UBA5: variants seen among roughly 807,000 people sequenced by gnomAD.
The protein encoded by UBA5 is ubiquitin like modifier activating enzyme 5.
UBA5 carries 28 observed loss-of-function variants against 52.9 expected under a neutral mutation model. That is an observed-to-expected ratio of 0.53 (90% CI 0.39 to 0.73). The LOEUF (loss-of-function observed/expected upper bound fraction) is 0.73, where lower values mean the gene tolerates loss of function less well. UBA5 is among the 30% of genes least tolerant of loss of function. The pLI is 0.00. For synonymous variants in UBA5, 135 were observed against 162.1 expected (o/e 0.83, Z 1.27); for missense variants, 388 against 492.7 (o/e 0.79, Z 2.01).
upstream of UBA5, chr3:132,659,444 G>T (rs576310098): frequency 1.0e-6 from 1 of 1,004,794 alleles, no homozygotes; most frequent in Admixed American, 3.2e-5. Flanking sequence ...CATCGAATTC[G>T]GAGGGCCGGC....
chr3:132,669,292 C>T (rs1461024586), intron 4 of UBA5, among the ~76,000 whole-genome samples: 1 of 152,000 alleles, frequency 6.6e-6, no homozygotes, highest in African/African-American at 2.4e-5. Flanking sequence ...TTTTTTGAGA[C>T]AGTCTCACTC....
chr3:132,659,423 G>A, upstream of UBA5: 1 of 759,040 alleles, frequency 1.3e-6, no homozygotes. Flanking sequence ...CTCCAATTGG[G>A]AAGCCCCCAG....
Position 132,660,387 on chromosome 3 carries a change from A to G in UBA5, c.-151A>G. The G allele has an allele frequency of 2.0e-6, 2 of 975,952 alleles. No individual in the cohort carries two copies. The highest frequency in any genetic ancestry group is 1.5e-6 in the Non-Finnish European group (1 of 675,726). The allele number at this position is 975,952 out of a possible 1,614,324, so 60.5% of individuals were successfully genotyped here. On this transcript the variant is annotated 5_prime_UTR_variant, in exon 1 of 12. Transcript: ENST00000356232. This position sits in a 1 kb window ranked among gnomAD's most constrained non-coding sequence, Gnocchi z 4.1. The stretch of plus-strand genomic sequence containing the variant: ...AGTCTCGGAGACGTGTCTGTCTGTG[A>G]GGCGCTGGGTGCACGTCCCCAGGGC...
At position 132,668,593 on chromosome 3, in the gene UBA5, T is replaced by A. The variant is rs534703372; in HGVS notation, c.298-225T>A. 1.3e-5 allele frequency: 4 copies of A among 297,884 alleles called. No homozygotes were observed. In the South Asian group the frequency reaches 3.1e-4, roughly 23 times the overall value. 18.5% of individuals were successfully genotyped at this position (297,884 alleles called of 1,614,324 possible). ...TCACTTCATATTAGATGAGTGGCCT[T>A]TGGACAAGTGTTGTAGTTGCCTCAT... On this transcript the variant is annotated intron_variant, in intron 3 of 11. Coordinates refer to ENST00000356232, the MANE Select transcript of UBA5 (RefSeq NM_024818.6).
chr3:132,660,062 C>T (rs1938057721), upstream of UBA5: 3 of 370,366 alleles, frequency 8.1e-6, no homozygotes, highest in Non-Finnish European at 1.5e-5. This position sits in a 1 kb window ranked among gnomAD's most constrained non-coding sequence, Gnocchi z 4.1. Context: ...TAAGGAACAA[C>T]GCAGAAGCCT....
chr3:132,660,737 G>T lies in UBA5; in HGVS notation c.161+39G>T. 6.7e-7 allele frequency: 1 copy of T among 1,501,674 alleles called. No individual in the cohort carries two copies. Among genetic ancestry groups the T allele is most frequent in the South Asian group, 1.3e-5 (1 of 76,208 alleles). The allele number at this position is 1,501,674 out of a possible 1,614,324, so 93.0% of individuals were successfully genotyped here. A position where few individuals can be genotyped will look rare whatever the true frequency, so the allele number is the denominator to read the frequency against. On this transcript the variant is annotated intron_variant, in intron 1 of 11. Coordinates refer to ENST00000356232, the MANE Select transcript of UBA5 (RefSeq NM_024818.6). The surrounding 1 kb of genome is among the most constrained non-coding windows in gnomAD (Gnocchi z 4.1). ...CCGGTCGGAGGCAGGCGCGGGGGAC[G>T]AGGTCAGGCTCCGTGAGGTCAGAAG...
intron 1 of UBA5, among the ~76,000 whole-genome samples, chr3:132,664,697 T>C (rs1323867458): frequency 1.3e-5 from 2 of 152,104 alleles, no homozygotes; most frequent in Admixed American, 6.5e-5. Flanking sequence ...TAGTGAGCTA[T>C]AGCATACAGG....
upstream of UBA5, among the ~76,000 whole-genome samples, chr3:132,656,406 TGTTGA>T (rs1467300657): frequency 6.6e-6 from 1 of 152,142 alleles, no homozygotes; most frequent in African/African-American, 2.4e-5. Context: ...TACAAGATCA[TGTTGA>T]GTTATTTTTC....
Position 132,679,520 on chromosome 3 carries a change from T to C in UBA5, c.*2994T>C, listed in dbSNP as rs1224587778. 6.6e-6 allele frequency among the ~76,000 whole-genome samples: 1 copy of C among 152,206 alleles called. No homozygotes were observed. Among genetic ancestry groups the C allele is most frequent in the Non-Finnish European group, 1.5e-5 (1 of 68,028 alleles). ...AAATAAATAGTAATATCAAAATAGTTTATTATGTTTAAATTTCATTCTTTT... is the reference window on the plus strand; with the variant it reads ...AAATAAATAGTAATATCAAAATAGTCTATTATGTTTAAATTTCATTCTTTT... On this transcript the variant is annotated 3_prime_UTR_variant, in exon 12 of 12. Transcript: ENST00000356232.
Position 132,676,962 on chromosome 3 carries a change from C to T in UBA5, c.*436C>T. 2.3e-6 allele frequency: 1 copy of T among 426,050 alleles called. No homozygotes were observed. The highest frequency in any genetic ancestry group is 2.5e-5 in the Admixed American group (1 of 39,748). 26.4% of individuals were successfully genotyped at this position (426,050 alleles called of 1,614,324 possible). A position where few individuals can be genotyped will look rare whatever the true frequency, so the allele number is the denominator to read the frequency against. On this transcript the variant is annotated 3_prime_UTR_variant, in exon 12 of 12. Transcript: ENST00000356232. The surrounding 1 kb of genome is among the most constrained non-coding windows in gnomAD (Gnocchi z 4.1). Reference sequence around the variant, plus strand: ...CAGCTTATTGATTAGAGCTGGCAAGCATCTGCTCATTATGTTTGGAATTGC... The same window carrying T: ...CAGCTTATTGATTAGAGCTGGCAAGTATCTGCTCATTATGTTTGGAATTGC...
intron 3 of UBA5, chr3:132,667,983 T>C (rs1232614211): frequency 6.6e-6 from 1 of 151,940 alleles, no homozygotes; most frequent in Non-Finnish European, 1.5e-5. Flanking sequence ...ATGGGTTAGG[T>C]TAATTTTTTT....
At position 132,679,420 on chromosome 3, in the gene UBA5, CA is replaced by C. The variant is rs1167767740; in HGVS notation, c.*2895del. 6.6e-6 allele frequency among the ~76,000 whole-genome samples: 1 copy of C among 152,116 alleles called. No homozygotes were observed. The highest frequency in any genetic ancestry group is 2.4e-5 in the African/African-American group (1 of 41,430). ...TTCCTATTTGAGAACTTCAAATATG[CA>C]TACACAAAGATGTTCCAGCTATTTT... On this transcript the variant is annotated 3_prime_UTR_variant, in exon 12 of 12. Coordinates refer to ENST00000356232, the MANE Select transcript of UBA5 (RefSeq NM_024818.6).
chr3:132,675,419 T>C, intron 9 of UBA5, 36 bp downstream of exon 9: 1 of 1,607,074 alleles, frequency 6.2e-7, no homozygotes, highest in Non-Finnish European at 8.5e-7. Context: ...TGAGGGATCA[T>C]ATTGAATAGG....
chr3:132,665,338 GTAACTAGT>G (rs1938331983), intron 1 of UBA5, among the ~76,000 whole-genome samples: 1 of 152,028 alleles, frequency 6.6e-6, no homozygotes, highest in South Asian at 2.1e-4. Context: ...CAGATTACCA[GTAACTAGT>G]TAAAGCACCT....
At chr3:132,661,108 G>T in intron 1 of UBA5, 1 of 1,268,134 alleles carries the variant, frequency 7.9e-7, no homozygotes, top group South Asian at 1.3e-5. Context: ...CGGGGCGGGG[G>T]AGAGCGGGGT....
At chr3:132,671,944 A>G in intron 7 of UBA5, 63 bp downstream of exon 7, 2 of 1,599,558 alleles carry the variant, frequency 1.3e-6, no homozygotes, top group Non-Finnish European at 1.7e-6. Context: ...AGGGGCATTG[A>G]AAATGTATTA....
chr3:132,660,243 T>A, upstream of UBA5: 1 of 541,834 alleles, frequency 1.8e-6, no homozygotes, highest in Non-Finnish European at 3.3e-6. This position sits in a 1 kb window ranked among gnomAD's most constrained non-coding sequence, Gnocchi z 4.1. Context: ...ATCACCCCGG[T>A]GCTGCTGCGG....
Position 132,672,055 on chromosome 3 carries a change from T to G in UBA5, c.690T>G (p.Ala230=), listed in dbSNP as rs1240901267. ...GTGTTTTATTTTTCATGTAGTGTGC[T>G]CCACCACTTGTAGTTGCTGCAAATA... ...IPGESACFAC[A]PPLVVAANID... is the part of the protein sequence containing the mutation. Residue 230 remains alanine, a synonymous_variant, in exon 8 of 12, where the codon GCT becomes GCG. Transcript: ENST00000356232. 1.2e-6 allele frequency: 2 copies of G among 1,613,886 alleles called. No individual in the cohort carries two copies. Among genetic ancestry groups the G allele is most frequent in the Non-Finnish European group, 1.7e-6 (2 of 1,179,882 alleles).
In UBA5 at chr3:132,660,676, G is replaced by A; in HGVS notation, c.139G>A (p.Val47Met). 1.3e-6 allele frequency: 2 copies of A among 1,574,558 alleles called. No homozygotes were observed. The highest frequency in any genetic ancestry group is 1.7e-6 in the Non-Finnish European group (2 of 1,160,200). The change falls in exon 1 of 12, where the codon GTG becomes ATG. Residue 47 changes from valine to methionine, a missense_variant. This residue lies in a region of UBA5 where 95 missense variants were observed against 107.0 expected (regional missense o/e 0.89). Transcript: ENST00000356232. The surrounding 1 kb of genome is among the most constrained non-coding windows in gnomAD (Gnocchi z 4.1). Reference sequence around the variant, plus strand: ...CCGCATCGAGAAGATGAGCTCAGAGGTGGTGGATTCGAATCCCTACAGGTA... The same window carrying A: ...CCGCATCGAGAAGATGAGCTCAGAGATGGTGGATTCGAATCCCTACAGGTA... Reference protein sequence around the residue: ...RVRIEKMSSEVVDSNPYSRLM... With the variant: ...RVRIEKMSSEMVDSNPYSRLM...
Sources: gnomAD v4.1 joint callset for allele counts (sites outside exome capture counted in the v4.1 genomes callset) on GRCh38, gnomAD v4.1.1 for gene constraint, gnomAD v4.1.1 regional missense constraint, Gnocchi (gnomAD v3.1) non-coding constraint, MANE v1.5 for transcripts, NCBI Gene and HGNC (gene_info 2026-07-23, HGNC 2026-07-21) for gene names.